The following NOTCH2NLB variants were observed in gnomAD, a reference collection of about 807,000 sequenced individuals.
NOTCH2NLB encodes notch homolog 2 N-terminal-like protein B.
NOTCH2NLB carries 1 observed loss-of-function variant against 14.8 expected under a neutral mutation model. That is an observed-to-expected ratio of 0.07 (90% CI 0.02 to 0.32). NOTCH2NLB has a LOEUF of 0.32. NOTCH2NLB is among the 10% of genes least tolerant of loss of function. The probability of loss-of-function intolerance (pLI) is 1.00; values close to 1 mark genes in which losing one functional copy is unlikely to be tolerated. For synonymous variants in NOTCH2NLB, 6 were observed against 57.5 expected (o/e 0.10, Z 4.05); for missense variants, 11 against 155.0 (o/e 0.07, Z 4.93).
At chr1:148,613,356 T>C (rs1663750849) in intron 3 of NOTCH2NLB, among the ~76,000 whole-genome samples, 1 of 149,314 alleles carries the variant, frequency 6.7e-6, no homozygotes, top group Non-Finnish European at 1.5e-5. Context: ...TGTGTCAACT[T>C]GATTGAATTG....
intron 1 of NOTCH2NLB, among the ~76,000 whole-genome samples, chr1:148,651,158 A>ATAT (rs1383778431): frequency 3.0e-4 from 24 of 81,246 alleles, no homozygotes; most frequent in African/African-American, 9.9e-4. Context: ...AAAAAAAAAA[A>ATAT]AAAAATATAT....
chr1:148,658,737 A>AT (rs1294856046), intron 1 of NOTCH2NLB, among the ~76,000 whole-genome samples: 2 of 131,674 alleles, frequency 1.5e-5, no homozygotes, highest in Non-Finnish European at 3.2e-5. Flanking sequence ...TAATTTTTTT[A>AT]TTTTTTGTAA....
At chr1:148,692,161 C>T in the NOTCH2NLB span, among the ~76,000 whole-genome samples, 20 of 3,124 alleles carry the variant, frequency 6.4e-3, no homozygotes, top group South Asian at 0.011. Flanking sequence ...GCTTGTGCCA[C>T]CACACCCAGC....
At chr1:148,679,379 C>G in intron 1 of NOTCH2NLB, 83 bp downstream of exon 1, 3 of 650,468 alleles carry the variant, frequency 4.6e-6, no homozygotes. Context: ...CCTTCCCACA[C>G]AGAGAAGGAC....
Position 148,679,653 on chromosome 1 carries a change from G to C in NOTCH2NLB, c.-189C>G, listed in dbSNP as rs1664895528. 7.7e-6 allele frequency: 8 copies of C among 1,032,440 alleles called. 2 individuals carry two copies. The highest frequency in any genetic ancestry group is 9.8e-6 in the Non-Finnish European group (8 of 818,034). The allele number at this position is 1,032,440 out of a possible 1,614,324, so 64.0% of individuals were successfully genotyped here. A position where few individuals can be genotyped will look rare whatever the true frequency, so the allele number is the denominator to read the frequency against. ...CTGCTTCAAAGGCTCAGGCCCTGGC[G>C]CTACGCTCCGAAGCCCAGGCGCAAA... On this transcript the variant is annotated 5_prime_UTR_variant, in exon 1 of 5. Transcript: ENST00000593495.
chr1:148,609,121 G>A (rs1663603905), intron 3 of NOTCH2NLB, among the ~76,000 whole-genome samples: 1 of 140,618 alleles, frequency 7.1e-6, no homozygotes, highest in Non-Finnish European at 1.5e-5. Context: ...TATACTTTAA[G>A]TTCTAGGGTA....
intron 2 of NOTCH2NLB, among the ~76,000 whole-genome samples, chr1:148,637,607 G>A (rs1664237374): frequency 1.4e-5 from 2 of 147,418 alleles, no homozygotes; most frequent in Admixed American, 6.7e-5. Flanking sequence ...TAAGTTTTGG[G>A]ATACATGTGC....
At chr1:148,601,901 TC>T in the NOTCH2NLB span, among the ~76,000 whole-genome samples, 1 of 11,764 alleles carries the variant, frequency 8.5e-5, no homozygotes, top group Non-Finnish European at 1.7e-4. Context: ...ATACTTTTTT[TC>T]CCCCAGAAGA....
chr1:148,661,696 G>C (rs1166510619), intron 1 of NOTCH2NLB, among the ~76,000 whole-genome samples: 2 of 146,416 alleles, frequency 1.4e-5, no homozygotes, highest in Non-Finnish European at 3.1e-5. Flanking sequence ...TGATGTGCTA[G>C]ATAAAAGTGG....
chr1:148,670,776 C>G (rs1461382615), intron 1 of NOTCH2NLB, among the ~76,000 whole-genome samples: 40 of 86,140 alleles, frequency 4.6e-4, no homozygotes, highest in African/African-American at 1.5e-3. Context: ...AGAAAATCAG[C>G]AAAGTATAAA....
chr1:148,602,540 TAGG>T (rs1663402400), downstream of NOTCH2NLB, among the ~76,000 whole-genome samples: 1 of 146,678 alleles, frequency 6.8e-6, no homozygotes, highest in African/African-American at 2.5e-5. Flanking sequence ...CAGAAATAAA[TAGG>T]AGGATTCAAA....
intron 1 of NOTCH2NLB, among the ~76,000 whole-genome samples, chr1:148,674,835 G>T (rs1173003164): frequency 1.4e-5 from 2 of 147,552 alleles, no homozygotes; most frequent in African/African-American, 4.9e-5. Context: ...TTGTCAGTAG[G>T]GTGTTCAGGG....
At chr1:148,679,692 C>T (rs1664897236) in exon 1 of NOTCH2NLB, 2 of 1,024,544 alleles carry the variant, frequency 2.0e-6, no homozygotes, top group Middle Eastern at 3.1e-4. Flanking sequence ...CTCGACTCCC[C>T]GCGCCCGGAG....
At chr1:148,649,660 G>A (rs1452370649) in intron 1 of NOTCH2NLB, among the ~76,000 whole-genome samples, 2 of 151,754 alleles carry the variant, frequency 1.3e-5, no homozygotes, top group African/African-American at 2.4e-5. Context: ...ATAGGTGCCC[G>A]CCACCACAAC....
chr1:148,610,842 C>T (rs1395630824), intron 3 of NOTCH2NLB, among the ~76,000 whole-genome samples: 1 of 31,640 alleles, frequency 3.2e-5, no homozygotes, highest in South Asian at 1.1e-3. Context: ...TGCAGTGAAC[C>T]GAGATTGCAC....
At chr1:148,651,144 G>GGAAAAAAA (rs1225742292) in intron 1 of NOTCH2NLB, among the ~76,000 whole-genome samples, 3 of 76,504 alleles carry the variant, frequency 3.9e-5, no homozygotes, top group South Asian at 9.5e-4. Flanking sequence ...CTCTGCCTGA[G>GGAAAAAAA]AAAAAAAAAA....
intron 1 of NOTCH2NLB, among the ~76,000 whole-genome samples, chr1:148,649,535 G>A (rs1664446344): frequency 1.7e-5 from 2 of 115,948 alleles, no homozygotes; most frequent in African/African-American, 3.3e-5. Flanking sequence ...TTTTGAGATG[G>A]AGTCTCGCTC....
chr1:148,689,428 C>T, the NOTCH2NLB span, among the ~76,000 whole-genome samples: 9 of 142,716 alleles, frequency 6.3e-5, no homozygotes, highest in South Asian at 4.7e-4. Flanking sequence ...GGATTACAGG[C>T]GCACGTGACT....
chr1:148,698,433 C>A, the NOTCH2NLB span, among the ~76,000 whole-genome samples: 1 of 109,976 alleles, frequency 9.1e-6, no homozygotes, highest in Non-Finnish European at 2.0e-5. Context: ...TTTGTTACAG[C>A]AGCAACAGGA....
Sources: gnomAD v4.1 joint callset for allele counts (sites outside exome capture counted in the v4.1 genomes callset) on GRCh38, gnomAD v4.1.1 for gene constraint, MANE v1.5 for transcripts, NCBI Gene and HGNC (gene_info 2026-07-23, HGNC 2026-07-21) for gene names.